ITGA9: variants seen among roughly 807,000 people sequenced by gnomAD.
ITGA9 encodes integrin alpha-9.
A neutral mutation model predicts 127.8 loss-of-function variants in ITGA9; 56 were observed. The ratio of observed to expected loss-of-function variants is 0.44; its 90% CI spans 0.35 to 0.55. The LOEUF (loss-of-function observed/expected upper bound fraction) is 0.55, where lower values mean the gene tolerates loss of function less well. Among genes scored for constraint, ITGA9 ranks in the 20% least tolerant of loss-of-function variants. ITGA9 has a pLI of 0.00. For missense variants in ITGA9, 1,196 were observed against 1,347.1 expected (o/e 0.89, Z 1.76); for synonymous variants, 508 against 514.5 (o/e 0.99, Z 0.17).
intron 16 of ITGA9, among the ~76,000 whole-genome samples, chr3:37,632,581 C>CTA: frequency 6.6e-6 from 1 of 152,090 alleles, no homozygotes; most frequent in East Asian, 1.9e-4. Context: ...AAGAGGGAGA[C>CTA]TATTTTTTAA....
chr3:37,646,281 C>A (rs902480209), intron 16 of ITGA9, among the ~76,000 whole-genome samples: 1 of 152,158 alleles, frequency 6.6e-6, no homozygotes, highest in African/African-American at 2.4e-5. Context: ...TGACTGAGAC[C>A]ATATAGCCTA....
intron 16 of ITGA9, among the ~76,000 whole-genome samples, chr3:37,636,427 C>T (rs1700279586): frequency 6.6e-6 from 1 of 152,220 alleles, no homozygotes; most frequent in Non-Finnish European, 1.5e-5. Flanking sequence ...GCATAAATGT[C>T]TTCTTTTGAG....
chr3:37,768,959 C>T (rs1696811028), intron 23 of ITGA9, among the ~76,000 whole-genome samples: 1 of 152,144 alleles, frequency 6.6e-6, no homozygotes, highest in African/African-American at 2.4e-5. Flanking sequence ...GTGACCCTCC[C>T]TATCCTTGGA....
At chr3:37,528,065 G>A (rs971887377) in intron 13 of ITGA9, among the ~76,000 whole-genome samples, 28 of 152,196 alleles carry the variant, frequency 1.8e-4, no homozygotes, top group South Asian at 2.1e-4. Flanking sequence ...GATTACAGGC[G>A]TGAGCCATTG....
intron 15 of ITGA9, among the ~76,000 whole-genome samples, chr3:37,584,882 A>G (rs1057450252): frequency 6.6e-6 from 1 of 152,058 alleles, no homozygotes; most frequent in African/African-American, 2.4e-5. Context: ...GCTATTCTCT[A>G]CTTCCCCTCT....
intron 26 of ITGA9, among the ~76,000 whole-genome samples, chr3:37,801,996 G>A (rs896857714): frequency 6.6e-6 from 1 of 152,152 alleles, no homozygotes; most frequent in Non-Finnish European, 1.5e-5. Flanking sequence ...TCATTCAGTT[G>A]ACAGGTAGCC....
intron 20 of ITGA9, among the ~76,000 whole-genome samples, chr3:37,738,454 G>A (rs924860474): frequency 6.6e-6 from 1 of 152,186 alleles, no homozygotes; most frequent in African/African-American, 2.4e-5. Flanking sequence ...TGGGAATGGG[G>A]CTGAAAGAGG....
intron 17 of ITGA9, among the ~76,000 whole-genome samples, chr3:37,657,159 C>T (rs555198930): frequency 2.6e-5 from 4 of 151,966 alleles, no homozygotes; most frequent in South Asian, 4.2e-4. Flanking sequence ...TTTCCTTTTT[C>T]GTTGTGTCTC....
chr3:37,745,881 T>C (rs1696494371), intron 22 of ITGA9: 1 of 152,214 alleles, frequency 6.6e-6, no homozygotes, highest in South Asian at 2.1e-4. Flanking sequence ...GTGATTGGCA[T>C]GTCCCTTAGA....
chr3:37,778,905 A>T, intron 24 of ITGA9, among the ~76,000 whole-genome samples: 2 of 129,060 alleles, frequency 1.5e-5, no homozygotes, highest in Admixed American at 8.7e-5. Flanking sequence ...TTACTTACAT[A>T]GTGAGGGTGA....
At chr3:37,688,697 C>T (rs1018329457) in intron 18 of ITGA9, among the ~76,000 whole-genome samples, 1 of 152,156 alleles carries the variant, frequency 6.6e-6, no homozygotes, top group Non-Finnish European at 1.5e-5. Context: ...AGGAATCACC[C>T]CCACCCCCCA....
intron 4 of ITGA9, among the ~76,000 whole-genome samples, chr3:37,490,966 T>TCC (rs10624727): frequency 0.34 from 36,800 of 107,562 alleles, 7,532 homozygotes; most frequent in East Asian, 0.66. Context: ...AGATTTGGCT[T>TCC]CCCCCCCGCT....
chr3:37,728,434 T>A (rs1696244237), intron 18 of ITGA9, among the ~76,000 whole-genome samples: 1 of 152,200 alleles, frequency 6.6e-6, no homozygotes, highest in Admixed American at 6.5e-5. Context: ...AATTACCTTG[T>A]GGGTATGTCT....
intron 14 of ITGA9, among the ~76,000 whole-genome samples, chr3:37,536,552 G>C (rs1299281690): frequency 6.6e-6 from 1 of 152,214 alleles, no homozygotes; most frequent in East Asian, 1.9e-4. Context: ...TTGTGCCTTT[G>C]GTTTCTTCTT....
Position 37,629,299 on chromosome 3 carries a change from G to C in ITGA9, c.1802G>C (p.Arg601Pro). 6.2e-7 allele frequency: 1 copy of C among 1,614,084 alleles called. No individual in the cohort carries two copies. The highest frequency in any genetic ancestry group is 8.5e-7 in the Non-Finnish European group (1 of 1,180,020). Residue 601 changes from arginine (R) to proline (P), a missense_variant, in exon 16 of 28, where the codon CGC (arginine) becomes CCC (proline). Coordinates refer to ENST00000264741, the MANE Select transcript of ITGA9 (RefSeq NM_002207.3). The surrounding 1 kb of genome is among the most constrained non-coding windows in gnomAD (Gnocchi z 4.5). ...RELPPLTPVL[R>P]WKKGQKIAQK... ...CTGCCGCCTCTGACACCAGTTCTCC[G>C]CTGGAAAAAGGGACAAAAGATTGCC... is the stretch of plus-strand genomic sequence containing the variant.
rs72867557 is a variant in ITGA9 at position 37,517,029 on chromosome 3, C to T, written c.1036-475C>T. On this transcript the variant is annotated intron_variant, in intron 9 of 27. Coordinates refer to ENST00000264741, the MANE Select transcript of ITGA9 (RefSeq NM_002207.3). The stretch of plus-strand genomic sequence containing the variant: ...GCTTGGATTTTCTGAACCATGACTC[C>T]CTCTATCAAGATAACTCATATATGC... Among the ~76,000 whole-genome samples, 1,279 of 152,230 alleles carry T rather than the reference C, an allele frequency of 8.4e-3. 15 individuals are homozygous for T. The highest frequency in any genetic ancestry group is 0.029 in the African/African-American group (1,196 of 41,520).
intron 18 of ITGA9, among the ~76,000 whole-genome samples, chr3:37,728,012 A>G (rs1696236285): frequency 6.6e-6 from 1 of 152,210 alleles, no homozygotes; most frequent in African/African-American, 2.4e-5. Flanking sequence ...TTTGCATTGT[A>G]TTGTAGTCAG....
intron 16 of ITGA9, among the ~76,000 whole-genome samples, chr3:37,651,971 C>T (rs1459041874): frequency 1.3e-5 from 2 of 152,186 alleles, no homozygotes; most frequent in African/African-American, 4.8e-5. Context: ...ATCTCCACCT[C>T]CACCTCTACC....
At position 37,538,332 on chromosome 3, in the gene ITGA9, CA is replaced by C. The variant is rs562739099; in HGVS notation, c.1529-4092del. On this transcript the variant is annotated intron_variant, in intron 14 of 27. Transcript: ENST00000264741. ...GGCTCCCTCCTGGCCCAGGCCCGTG[CA>C]GGGGGGCTCCTCGGGAAGCAGCCGG... Among the ~76,000 whole-genome samples the C allele has an allele frequency of 1.7e-3, 264 of 152,348 alleles. 1 individual carries two copies. Among genetic ancestry groups the C allele is most frequent in the Middle Eastern group, 0.01 (3 of 294 alleles).
Sources: gnomAD v4.1 joint callset for allele counts (sites outside exome capture counted in the v4.1 genomes callset) on GRCh38, gnomAD v4.1.1 for gene constraint, Gnocchi (gnomAD v3.1) non-coding constraint, MANE v1.5 for transcripts, NCBI Gene and HGNC (gene_info 2026-07-23, HGNC 2026-07-21) for gene names.